Variants in LAMP3 observed in about 807,000 individuals in gnomAD.
LAMP3 encodes lysosome associated membrane protein 3.
In LAMP3, 26 loss-of-function variants were observed where a neutral mutation model predicts 34.8. The observed-to-expected ratio is 0.75, with a 90% CI of 0.55 to 1.04. LAMP3 has a LOEUF of 1.04. LAMP3 is among the 50% of genes least tolerant of loss of function. LAMP3 has a pLI of 0.00. For synonymous variants in LAMP3, 180 were observed against 201.9 expected (o/e 0.89, Z 0.92); for missense variants, 495 against 524.0 (o/e 0.94, Z 0.54).
upstream of LAMP3, among the ~76,000 whole-genome samples, chr3:183,163,432 A>C (rs933871206): frequency 6.6e-6 from 1 of 150,470 alleles, no homozygotes; most frequent in African/African-American, 2.5e-5. Context: ...CTGGGGTTAC[A>C]GGCGCCCGCC....
chr3:183,130,839 C>T (rs1719898532), intron 5 of LAMP3, among the ~76,000 whole-genome samples: 1 of 152,120 alleles, frequency 6.6e-6, no homozygotes, highest in South Asian at 2.1e-4. Flanking sequence ...AAGCAACCCA[C>T]TCTTTTTTTT....
chr3:183,152,399 TC>T lies in LAMP3; in HGVS notation c.863del (p.Gly288AspfsTer3), dbSNP rs2108610704. 2 of 1,612,250 alleles carry T rather than the reference TC, an allele frequency of 1.2e-6. No individual in the cohort carries two copies. Among genetic ancestry groups the T allele is most frequent in the East Asian group, 4.5e-5 (2 of 44,692 alleles). ...CCTTGGTAAATGTGAGATTCACAAA[TC>T]CGCCCTGAAAATTCAACAGAAGGTT... The part of the protein sequence containing the change: ...KSNLLLNFQG[G>X]FVNLTFTKDE... On this transcript the variant is annotated frameshift_variant, in exon 3 of 6. Transcript: ENST00000265598. LOFTEE classifies it high-confidence loss of function.
At chr3:183,137,564 T>C (rs535651) in intron 4 of LAMP3, among the ~76,000 whole-genome samples, 84,183 of 151,570 alleles carry the variant, frequency 0.56, 27,638 homozygotes, top group Non-Finnish European at 0.74. Context: ...CCCTATACAA[T>C]GTACTGAATT....
intron 5 of LAMP3, among the ~76,000 whole-genome samples, chr3:183,125,779 G>GA (rs1324447112): frequency 6.6e-6 from 1 of 152,124 alleles, no homozygotes; most frequent in Non-Finnish European, 1.5e-5. Flanking sequence ...TGGAACTCCT[G>GA]ACTTCAAGCC....
intron 1 of LAMP3, among the ~76,000 whole-genome samples, chr3:183,161,723 C>A (rs181357169): frequency 2.0e-4 from 31 of 152,240 alleles, no homozygotes; most frequent in African/African-American, 6.7e-4. Context: ...CCTATCCATC[C>A]ATTCAAGGAG....
chr3:183,159,433 G>T (rs993509624), intron 1 of LAMP3, among the ~76,000 whole-genome samples: 1 of 152,126 alleles, frequency 6.6e-6, no homozygotes, highest in Non-Finnish European at 1.5e-5. Context: ...GACCAGCAGG[G>T]AGCAGGCCTG....
In LAMP3 at chr3:183,135,859, C is replaced by G; in HGVS notation, c.975G>C (p.Ala325=). 1 of 1,613,964 alleles carries G rather than the reference C, an allele frequency of 6.2e-7. No homozygotes were observed. Among genetic ancestry groups the G allele is most frequent in the Non-Finnish European group, 8.5e-7 (1 of 1,179,820 alleles). ...CGACTGCTGTCTGGAACATCACCAC[C>G]GCATGTTTGATTCCTTGGTAAATTG... ...PETIYQGIKH[A]VVMFQTAVGH... The change falls in exon 5 of 6, where the codon GCG becomes GCC. Residue 325 remains alanine (A), a synonymous_variant. Coordinates refer to ENST00000265598, the MANE Select transcript of LAMP3 (RefSeq NM_014398.4).
chr3:183,126,314 A>G (rs185737542), intron 5 of LAMP3, among the ~76,000 whole-genome samples: 221 of 152,336 alleles, frequency 1.5e-3, no homozygotes, highest in Middle Eastern at 6.8e-3. Context: ...TTGTGGGTCC[A>G]GTGTGAAAAG....
chr3:183,124,243 G>C, intron 5 of LAMP3, 29 bp from the exon 6 acceptor site: 1 of 1,508,148 alleles, frequency 6.6e-7, no homozygotes, highest in Non-Finnish European at 8.8e-7. Flanking sequence ...ACAATACAGT[G>C]GGTAAGGTTT....
At chr3:183,148,766 C>T (rs951143579) in intron 3 of LAMP3, among the ~76,000 whole-genome samples, 1 of 152,120 alleles carries the variant, frequency 6.6e-6, no homozygotes, top group African/African-American at 2.4e-5. Flanking sequence ...TTAGTAGAAC[C>T]AAGATGGAGA....
At chr3:183,162,864 A>C (rs372468339), upstream of LAMP3, 420 of 526,826 alleles carry the variant, frequency 8.0e-4, 5 homozygotes, top group Non-Finnish European at 5.0e-4. Context: ...GACTCGGCGC[A>C]GCCGCCGGGG....
In LAMP3 at chr3:183,153,970, C is replaced by T; in HGVS notation, c.471G>A (p.Gly157=). 1.2e-6 allele frequency: 2 copies of T among 1,614,088 alleles called. No homozygotes were observed. The highest frequency in any genetic ancestry group is 1.7e-6 in the Non-Finnish European group (2 of 1,180,020). ...TCTGGTTACTGGGTTGAGTGGTGTT[C>T]CCAGTTGTGTGGCTGACGGTTGATG... ...TSSSTVSHTT[G]NTTQPSNQTT... Residue 157 remains glycine (G), a synonymous_variant, in exon 2 of 6, where the codon GGG becomes GGA. Transcript: ENST00000265598.
rs900910538 is a variant in LAMP3, at chr3:183,122,952, G to C, written c.*1129C>G. ...CAAGCTCTGGCTCTGCCATCAGTTA[G>C]CCAGGTGACATTTAAGTGATTCAGT... On this transcript the variant is annotated 3_prime_UTR_variant, in exon 6 of 6. Coordinates refer to ENST00000265598, the MANE Select transcript of LAMP3 (RefSeq NM_014398.4). 6.6e-6 allele frequency: 1 copy of C among 152,202 alleles called. No individual in the cohort carries two copies. 9.4% of individuals were successfully genotyped at this position (152,202 alleles called of 1,614,324 possible). A position where few individuals can be genotyped will look rare whatever the true frequency, so the allele number is the denominator to read the frequency against.
chr3:183,126,546 G>T (rs1560301741), intron 5 of LAMP3, among the ~76,000 whole-genome samples: 1 of 151,790 alleles, frequency 6.6e-6, no homozygotes, highest in Non-Finnish European at 1.5e-5. Context: ...GTGTGTGTGT[G>T]TGTGTGTGTG....
chr3:183,135,801 G>A lies in LAMP3; in HGVS notation c.1033C>T (p.Leu345Phe). The A allele has an allele frequency of 6.2e-7, 1 of 1,614,052 alleles. No individual in the cohort carries two copies. Among genetic ancestry groups the A allele is most frequent in the South Asian group, 1.1e-5 (1 of 91,086 alleles). Residue 345 changes from leucine (L) to phenylalanine (F), a missense_variant, in exon 5 of 6, where the codon CTC becomes TTC. Leu to Phe is a conservative substitution (Grantham distance 22, BLOSUM62 0). Coordinates refer to ENST00000265598, the MANE Select transcript of LAMP3 (RefSeq NM_014398.4). ...HSFKCVSEQS[L>F]QLSAHLQVKT... is the part of the protein sequence containing the mutation. ...ACCTGCAGGTGGGCTGACAACTGGAGGCTCTGTTCACTCACGCACTTGAAG... is the reference window on the plus strand; with the variant it reads ...ACCTGCAGGTGGGCTGACAACTGGAAGCTCTGTTCACTCACGCACTTGAAG...
chr3:183,142,960 C>A (rs1405908035), intron 3 of LAMP3, among the ~76,000 whole-genome samples: 2 of 152,102 alleles, frequency 1.3e-5, no homozygotes, highest in Admixed American at 6.5e-5. Flanking sequence ...TAGGGCTAAT[C>A]AAAAAATGAG....
At chr3:183,130,156 T>C (rs1165640159) in intron 5 of LAMP3, among the ~76,000 whole-genome samples, 2 of 12,014 alleles carry the variant, frequency 1.7e-4, no homozygotes, top group Non-Finnish European at 7.7e-4. Flanking sequence ...CCTCACTCCT[T>C]TTTTTTTTTT....
At chr3:183,128,080 G>A (rs928431492) in intron 5 of LAMP3, among the ~76,000 whole-genome samples, 11 of 151,700 alleles carry the variant, frequency 7.3e-5, no homozygotes, top group South Asian at 4.2e-4. Context: ...CCTGGGAGGC[G>A]GAGCTTGCAA....
intron 3 of LAMP3, among the ~76,000 whole-genome samples, chr3:183,145,806 G>A (rs111610480): frequency 0.032 from 4,927 of 152,230 alleles, 261 homozygotes; most frequent in African/African-American, 0.11. Flanking sequence ...GCAGTGAGCC[G>A]AAATCATGTC....
Sources: allele counts gnomAD v4.1 joint callset (sites outside exome capture counted in the v4.1 genomes callset), GRCh38; gene constraint gnomAD v4.1.1; transcripts MANE v1.5; gene names NCBI Gene and HGNC (gene_info 2026-07-23, HGNC 2026-07-21).